Variants in NCALD observed in about 807,000 individuals in gnomAD.
NCALD encodes neurocalcin delta, also known as neurocalcin-delta.
In NCALD, 10 loss-of-function variants were observed where a neutral mutation model predicts 18.6. The observed-to-expected ratio is 0.54, with a 90% confidence interval of 0.33 to 0.91. The LOEUF (loss-of-function observed/expected upper bound fraction) is 0.91, where lower values mean the gene tolerates loss of function less well. NCALD is among the 40% of genes least tolerant of loss of function. The pLI, the probability that NCALD is intolerant of heterozygous loss-of-function variation, is 0.03. For synonymous variants in NCALD, 88 were observed against 87.4 expected (o/e 1.01, Z -0.04); for missense variants, 184 against 247.6 (o/e 0.74, Z 1.72).
At chr8:102,115,800 A>G (rs911704926) in intron 1 of NCALD, among the ~76,000 whole-genome samples, 1 of 152,166 alleles carries the variant, frequency 6.6e-6, no homozygotes, top group Non-Finnish European at 1.5e-5. Context: ...TTATATTTCT[A>G]AAAGCATCTG....
chr8:101,797,130 A>C (rs1812666174), intron 4 of NCALD, among the ~76,000 whole-genome samples: 1 of 152,254 alleles, frequency 6.6e-6, no homozygotes, highest in Non-Finnish European at 1.5e-5. Context: ...GTCCTTGGGC[A>C]CATGTTATCA....
intron 1 of NCALD, among the ~76,000 whole-genome samples, chr8:102,033,857 A>G (rs7822943): frequency 0.13 from 20,276 of 152,122 alleles, 3,448 homozygotes; most frequent in African/African-American, 0.4. Flanking sequence ...GATTTGCATC[A>G]GCCCTTCAGA....
intron 1 of NCALD, among the ~76,000 whole-genome samples, chr8:102,111,379 A>C (rs554844647): frequency 6.6e-6 from 1 of 151,838 alleles, no homozygotes; most frequent in South Asian, 2.1e-4. Context: ...CACTTCCAAC[A>C]ACTGAGAAAA....
At chr8:101,729,386 G>A (rs1170484355) in intron 1 of NCALD, among the ~76,000 whole-genome samples, 1 of 152,212 alleles carries the variant, frequency 6.6e-6, no homozygotes, top group Non-Finnish European at 1.5e-5. Context: ...CTGCTAAGAT[G>A]AGCCAGTGTA....
intron 2 of NCALD, among the ~76,000 whole-genome samples, chr8:101,923,803 A>AT (rs1818248641): frequency 6.6e-6 from 1 of 152,046 alleles, no homozygotes; most frequent in African/African-American, 2.4e-5. Flanking sequence ...CTAGCATCCC[A>AT]TTTTTTCCTT....
intron 4 of NCALD, among the ~76,000 whole-genome samples, chr8:101,839,441 T>C: frequency 6.6e-6 from 1 of 152,122 alleles, no homozygotes; most frequent in East Asian, 1.9e-4. Context: ...TGGCTTTCAG[T>C]GGTGGCACCA....
chr8:101,766,086 C>T lies in NCALD; in HGVS notation c.-20+24776G>A, dbSNP rs182783142. Among the ~76,000 whole-genome samples the T allele has an allele frequency of 8.5e-4, 130 of 152,228 alleles. 6 individuals are homozygous for T. In the East Asian group the frequency reaches 0.015, roughly 17 times the overall value. On this transcript the variant is annotated intron_variant, in intron 1 of 3. Coordinates refer to ENST00000220931, the MANE Select transcript of NCALD (RefSeq NM_032041.3). ...CAACCCACCAACATCTCCTTATTTT[C>T]GTTATTCTTAACTTTTAGGGAAAGT...
intron 4 of NCALD, among the ~76,000 whole-genome samples, chr8:101,882,480 C>A (rs1816526954): frequency 6.6e-6 from 1 of 152,206 alleles, no homozygotes; most frequent in South Asian, 2.1e-4. Flanking sequence ...GCACCTTAAT[C>A]TTGGACTTCC....
intron 2 of NCALD, among the ~76,000 whole-genome samples, chr8:101,717,234 A>C (rs1444236772): frequency 6.6e-6 from 1 of 152,230 alleles, no homozygotes; most frequent in African/African-American, 2.4e-5. Flanking sequence ...TTGTCACTAC[A>C]AACAATATTC....
At position 101,801,643 on chromosome 8, in the gene NCALD, C is replaced by CT. The variant is rs71268530; in HGVS notation, c.-19-81996dup. Among the ~76,000 whole-genome samples, 107 of 44,166 alleles carry CT rather than the reference C, an allele frequency of 2.4e-3. 38 individuals are homozygous for CT. The highest frequency in any genetic ancestry group is 4.9e-3 in the Non-Finnish European group (87 of 17,858). 29.0% of individuals were successfully genotyped at this position (44,166 alleles called of 152,430 possible). A position where few individuals can be genotyped will look rare whatever the true frequency, so the allele number is the denominator to read the frequency against. ...TCTCTATGATTTACAAGCACACTTA[C>CT]TTTTTTTTTTTTTTTTTTTTTTTTT... On this transcript the variant is annotated intron_variant, in intron 4 of 6. Coordinates refer to the NCALD transcript ENST00000311028.
intron 2 of NCALD, among the ~76,000 whole-genome samples, chr8:101,994,673 C>T (rs1821171642): frequency 6.6e-6 from 1 of 152,232 alleles, no homozygotes; most frequent in Non-Finnish European, 1.5e-5. Flanking sequence ...AATCCTGCCT[C>T]TACTACATGG....
At chr8:102,008,872 A>G (rs1488246531) in intron 2 of NCALD, among the ~76,000 whole-genome samples, 1 of 145,446 alleles carries the variant, frequency 6.9e-6, no homozygotes, top group Non-Finnish European at 1.5e-5. Context: ...TGTTTATCTG[A>G]ATTCCCAAGC....
chr8:101,774,502 T>A (rs960768709), intron 1 of NCALD, among the ~76,000 whole-genome samples: 4 of 152,236 alleles, frequency 2.6e-5, no homozygotes, highest in African/African-American at 7.2e-5. Context: ...GAAATGTGAT[T>A]TAATTTCTGA....
intron 1 of NCALD, among the ~76,000 whole-genome samples, chr8:102,102,693 G>C (rs1380179324): frequency 6.6e-6 from 1 of 152,142 alleles, no homozygotes; most frequent in Non-Finnish European, 1.5e-5. Flanking sequence ...CACTTCCTGA[G>C]CTCCTCCTTC....
chr8:102,029,681 T>C (rs551485819), intron 1 of NCALD, among the ~76,000 whole-genome samples: 7 of 152,198 alleles, frequency 4.6e-5, no homozygotes, highest in African/African-American at 1.7e-4. Flanking sequence ...TGTTCAGAAC[T>C]ATCCAAGCTA....
intron 2 of NCALD, among the ~76,000 whole-genome samples, chr8:101,994,360 A>G (rs533386721): frequency 6.6e-6 from 1 of 152,052 alleles, no homozygotes; most frequent in African/African-American, 2.4e-5. Context: ...GATTCTACAC[A>G]CTCAAGCCTC....
chr8:101,807,490 C>T (rs1813147714), intron 4 of NCALD, among the ~76,000 whole-genome samples: 1 of 152,036 alleles, frequency 6.6e-6, no homozygotes, highest in African/African-American at 2.4e-5. Context: ...GAAACATAGA[C>T]CAGAAAAATT....
intron 1 of NCALD, chr8:101,788,714 G>T (rs192778849): frequency 6.6e-6 from 1 of 152,116 alleles, no homozygotes; most frequent in African/African-American, 2.4e-5. Context: ...GCACCAAACG[G>T]GTTAAGAATG....
At chr8:101,760,590 A>C (rs1193638833) in intron 1 of NCALD, among the ~76,000 whole-genome samples, 4 of 152,234 alleles carry the variant, frequency 2.6e-5, no homozygotes, top group South Asian at 4.1e-4. Flanking sequence ...GCCAGCGTGC[A>C]TTCGTGAAAT....
Sources: allele counts gnomAD v4.1 joint callset (sites outside exome capture counted in the v4.1 genomes callset), GRCh38; gene constraint gnomAD v4.1.1; transcripts MANE v1.5; gene names NCBI Gene and HGNC (gene_info 2026-07-23, HGNC 2026-07-21).